Variants in RGS6 observed in about 807,000 individuals in gnomAD.
RGS6 encodes the protein regulator of G-protein signaling 6.
RGS6 carries 30 observed loss-of-function variants against 78.5 expected under a neutral mutation model. The ratio of observed to expected loss-of-function variants is 0.38; its 90% CI spans 0.29 to 0.52. RGS6 has a LOEUF of 0.52. Among genes scored for constraint, RGS6 ranks in the 20% least tolerant of loss-of-function variants. The pLI is 0.85. For missense variants in RGS6, 495 were observed against 609.7 expected (o/e 0.81, Z 1.98); for synonymous variants, 206 against 206.0 (o/e 1.00, Z 0.00).
intron 2 of RGS6, among the ~76,000 whole-genome samples, chr14:72,196,993 A>G (rs1471465451): frequency 6.6e-6 from 1 of 152,222 alleles, no homozygotes; most frequent in Admixed American, 6.5e-5. Flanking sequence ...AGAATGAAAG[A>G]AAAGATTGGT....
rs184708383 is a variant in RGS6 at position 72,416,838 on chromosome 14, G to A, written c.185-37690G>A. On this transcript the variant is annotated intron_variant, in intron 3 of 17. Transcript: ENST00000553525. ...TCTGATGCCAGTTATGTGATTTTGGGCCAGTTTCTTAATCTCTCAATGTCT... is the reference window on the plus strand; with the variant it reads ...TCTGATGCCAGTTATGTGATTTTGGACCAGTTTCTTAATCTCTCAATGTCT... Among the ~76,000 whole-genome samples the A allele has an allele frequency of 2.6e-5, 4 of 152,276 alleles. No individual in the cohort carries two copies. In the East Asian group the frequency reaches 7.7e-4, roughly 29 times the overall value.
intron 2 of RGS6, among the ~76,000 whole-genome samples, chr14:72,330,892 C>A (rs2074379858): frequency 6.6e-6 from 1 of 152,128 alleles, no homozygotes; most frequent in South Asian, 2.1e-4. Flanking sequence ...AGACAAGCTG[C>A]ACGTTTCTGT....
chr14:72,207,180 T>C (rs1253074449), intron 2 of RGS6, among the ~76,000 whole-genome samples: 1 of 152,236 alleles, frequency 6.6e-6, no homozygotes, highest in Non-Finnish European at 1.5e-5. Flanking sequence ...CCTTTTTCTA[T>C]AGATGTATTG....
chr14:72,069,373 G>T (rs1169997996), intron 2 of RGS6, among the ~76,000 whole-genome samples: 1 of 151,988 alleles, frequency 6.6e-6, no homozygotes, highest in South Asian at 2.1e-4. Context: ...CCTAGAAATT[G>T]TAGCATGCAT....
At chr14:71,940,520 A>G (rs532284140) in intron 1 of RGS6, among the ~76,000 whole-genome samples, 2 of 152,198 alleles carry the variant, frequency 1.3e-5, no homozygotes, top group African/African-American at 2.4e-5. Context: ...ACTTTTAGGA[A>G]CACCATGATT....
intron 2 of RGS6, among the ~76,000 whole-genome samples, chr14:72,016,181 G>A (rs2086925879): frequency 6.6e-6 from 1 of 151,986 alleles, no homozygotes; most frequent in Non-Finnish European, 1.5e-5. Flanking sequence ...GTTTTCAAAT[G>A]TAGTGTTTCA....
At chr14:72,469,984 T>C in intron 7 of RGS6, 23 bp from the exon 8 acceptor site, 19 of 1,564,976 alleles carry the variant, frequency 1.2e-5, no homozygotes, top group Non-Finnish European at 1.6e-5. Context: ...AATGCCGCCT[T>C]GTTGATTTTC....
chr14:72,492,079 G>T (rs1009575176), intron 12 of RGS6, among the ~76,000 whole-genome samples: 1 of 152,200 alleles, frequency 6.6e-6, no homozygotes, highest in African/African-American at 2.4e-5. Flanking sequence ...GAACTGTGGG[G>T]CCTGTAGGGA....
At chr14:72,262,860 G>A (rs972828204) in intron 2 of RGS6, among the ~76,000 whole-genome samples, 1 of 152,086 alleles carries the variant, frequency 6.6e-6, no homozygotes, top group Non-Finnish European at 1.5e-5. Flanking sequence ...TCAGGTCTTT[G>A]TCCTCCCCTT....
At chr14:72,492,628 T>G (rs1311769885) in intron 12 of RGS6, among the ~76,000 whole-genome samples, 1 of 152,194 alleles carries the variant, frequency 6.6e-6, no homozygotes, top group South Asian at 2.1e-4. Flanking sequence ...CCTTCCATTC[T>G]CCTTTAGTTC....
In RGS6 at chr14:72,215,025, A is replaced by G. The variant is rs187121658; in HGVS notation, c.85-137070A>G. 2.0e-5 allele frequency among the ~76,000 whole-genome samples: 3 copies of G among 152,206 alleles called. No individual in the cohort carries two copies. In the East Asian group the frequency reaches 5.8e-4, roughly 29 times the overall value. ...TATTTTCTGGTCTATGACTGTCATC[A>G]GGACACTGTGAAGCCTTTCCTTTAG... On this transcript the variant is annotated intron_variant, in intron 2 of 17. Transcript: ENST00000553525.
intron 3 of RGS6, among the ~76,000 whole-genome samples, chr14:72,402,228 G>A (rs947739373): frequency 5.9e-5 from 9 of 152,192 alleles, no homozygotes; most frequent in African/African-American, 1.9e-4. Flanking sequence ...CGTACAGAAA[G>A]GTAGTGTTTC....
At position 72,483,714 on chromosome 14, in the gene RGS6, GA is replaced by G. The variant is rs71448395; in HGVS notation, c.854+5396del. On this transcript the variant is annotated intron_variant, in intron 12 of 17. Transcript: ENST00000553525. Reference sequence around the variant, plus strand: ...TTCTCCTAGCCTGTTCTAGGTGACAGAAAAAAAAAAAGACCGGAGGTATCAT... The same window carrying G: ...TTCTCCTAGCCTGTTCTAGGTGACAGAAAAAAAAAAGACCGGAGGTATCAT... 5.2e-4 allele frequency among the ~76,000 whole-genome samples: 73 copies of G among 141,594 alleles called. 1 individual carries two copies. The East Asian group carries it at 6.8e-3, about 13-fold the overall frequency. The allele number at this position is 141,594 out of a possible 152,430, so 92.9% of individuals were successfully genotyped here.
chr14:72,145,186 T>C (rs1598345323), intron 2 of RGS6, among the ~76,000 whole-genome samples: 1 of 152,098 alleles, frequency 6.6e-6, no homozygotes, highest in Non-Finnish European at 1.5e-5. Flanking sequence ...CAGGAGCAAT[T>C]TGGGGAGGTT....
At chr14:72,359,875 AT>A (rs571145907) in intron 3 of RGS6, among the ~76,000 whole-genome samples, 125 of 150,214 alleles carry the variant, frequency 8.3e-4, no homozygotes, top group African/African-American at 2.7e-3. Context: ...GTAAGTGCAC[AT>A]TCTGTGAAAC....
intron 2 of RGS6, among the ~76,000 whole-genome samples, chr14:72,331,224 C>T (rs1422996611): frequency 6.8e-6 from 1 of 146,186 alleles, no homozygotes; most frequent in Non-Finnish European, 1.5e-5. Context: ...TCATCATCAC[C>T]GAGCTTAAAA....
At chr14:72,339,359 C>T (rs751733677) in intron 2 of RGS6, among the ~76,000 whole-genome samples, 9 of 152,204 alleles carry the variant, frequency 5.9e-5, no homozygotes, top group Non-Finnish European at 8.8e-5. Context: ...CTTGAACTTA[C>T]CAGCCTCCTG....
At chr14:72,400,102 T>A (rs1480573647) in intron 3 of RGS6, among the ~76,000 whole-genome samples, 1 of 152,092 alleles carries the variant, frequency 6.6e-6, no homozygotes, top group Non-Finnish European at 1.5e-5. Context: ...TCACCGAAGT[T>A]GAAATGAAGG....
At chr14:72,053,222 C>T (rs1225585175) in intron 2 of RGS6, among the ~76,000 whole-genome samples, 8 of 149,574 alleles carry the variant, frequency 5.3e-5, no homozygotes, top group African/African-American at 1.2e-4. Flanking sequence ...CAGGTTCGAG[C>T]GATTCTCCTG....
Sources: allele counts gnomAD v4.1 joint callset (sites outside exome capture counted in the v4.1 genomes callset), GRCh38; gene constraint gnomAD v4.1.1; transcripts MANE v1.5; gene names NCBI Gene and HGNC (gene_info 2026-07-23, HGNC 2026-07-21).